The following CENPP variants were observed in gnomAD, a reference collection of about 807,000 sequenced individuals.
CENPP encodes the protein centromere protein P.
Under a neutral mutation model 35.6 loss-of-function variants are expected in CENPP, and 24 were observed. The observed-to-expected ratio is 0.67, with a 90% confidence interval of 0.49 to 0.95. The LOEUF is 0.95. CENPP is among the 40% of genes least tolerant of loss of function. The probability of loss-of-function intolerance (pLI) is 0.00; values close to 1 mark genes in which losing one functional copy is unlikely to be tolerated. For synonymous variants in CENPP, 120 were observed against 125.5 expected (o/e 0.96, Z 0.29); for missense variants, 332 against 345.3 (o/e 0.96, Z 0.31).
chr9:92,386,280 G>A, intron 5 of CENPP: 1 of 1,612,870 alleles, frequency 6.2e-7, no homozygotes, highest in East Asian at 2.2e-5. Context: ...GTAGAGGAAG[G>A]TGAGGTTATT....
intron 5 of CENPP, among the ~76,000 whole-genome samples, chr9:92,539,675 T>C (rs185314289): frequency 6.6e-6 from 1 of 152,264 alleles, no homozygotes; most frequent in East Asian, 1.9e-4. Context: ...GGAGGAGTAG[T>C]ATGGACTTTG....
chr9:92,354,427 G>T (rs1452133038), intron 4 of CENPP, among the ~76,000 whole-genome samples: 1 of 152,152 alleles, frequency 6.6e-6, no homozygotes, highest in African/African-American at 2.4e-5. Context: ...TGCCACCATG[G>T]CCACTTTACT....
chr9:92,507,147 A>C (rs1481782979), intron 5 of CENPP, among the ~76,000 whole-genome samples: 1 of 152,212 alleles, frequency 6.6e-6, no homozygotes, highest in East Asian at 1.9e-4. Context: ...TGGGGATGGC[A>C]GGACAAGGGC....
chr9:92,408,544 T>C (rs1048055282), intron 5 of CENPP, among the ~76,000 whole-genome samples: 6 of 152,188 alleles, frequency 3.9e-5, no homozygotes, highest in African/African-American at 1.4e-4. Context: ...TTTAACGTTT[T>C]GGGCCACAGT....
At chr9:92,356,591 C>A (rs1841595026) in intron 4 of CENPP, among the ~76,000 whole-genome samples, 1 of 152,132 alleles carries the variant, frequency 6.6e-6, no homozygotes, top group South Asian at 2.1e-4. Flanking sequence ...GAAGTAAAGA[C>A]AGGCATAAGA....
chr9:92,582,134 G>T (rs1398568543), intron 5 of CENPP, among the ~76,000 whole-genome samples: 1 of 152,026 alleles, frequency 6.6e-6, no homozygotes, highest in Non-Finnish European at 1.5e-5. Flanking sequence ...GCTCACTGAA[G>T]CCTCAACCTC....
intron 5 of CENPP, among the ~76,000 whole-genome samples, chr9:92,452,062 C>T (rs1317208803): frequency 1.0e-4 from 14 of 139,734 alleles, no homozygotes; most frequent in Admixed American, 3.6e-4. Flanking sequence ...AATTTGACTT[C>T]CTCTTTTCCT....
At chr9:92,383,560 A>G (rs1190527926) in intron 5 of CENPP, among the ~76,000 whole-genome samples, 15 of 152,168 alleles carry the variant, frequency 9.9e-5, no homozygotes, top group Non-Finnish European at 2.1e-4. Flanking sequence ...TAATGGAGAC[A>G]GCATATTTTT....
intron 5 of CENPP, among the ~76,000 whole-genome samples, chr9:92,389,365 A>G (rs889331977): frequency 6.6e-6 from 1 of 152,212 alleles, no homozygotes; most frequent in Admixed American, 6.5e-5. Flanking sequence ...TTTATATTAC[A>G]TGCTCTCATG....
intron 5 of CENPP, among the ~76,000 whole-genome samples, chr9:92,432,264 G>A (rs1450869210): frequency 2.0e-5 from 3 of 152,022 alleles, no homozygotes; most frequent in Non-Finnish European, 4.4e-5. Context: ...GGCAGAGGTT[G>A]CAGTGAGTCA....
intron 5 of CENPP, among the ~76,000 whole-genome samples, chr9:92,571,721 CTT>C (rs1316490569): frequency 6.6e-6 from 1 of 152,100 alleles, no homozygotes; most frequent in Non-Finnish European, 1.5e-5. Flanking sequence ...GTCTAAGTCT[CTT>C]TGTAGGTCTC....
chr9:92,579,415 G>C (rs1280470034), intron 5 of CENPP, among the ~76,000 whole-genome samples: 2 of 148,050 alleles, frequency 1.4e-5, no homozygotes, highest in Admixed American at 6.7e-5. Flanking sequence ...TCACGATATT[G>C]ATTCTTCCTA....
chr9:92,551,172 C>G (rs561713466), intron 5 of CENPP, among the ~76,000 whole-genome samples: 1 of 152,054 alleles, frequency 6.6e-6, no homozygotes, highest in Non-Finnish European at 1.5e-5. Context: ...CCCCTCTTGT[C>G]CAGGTTTAAG....
chr9:92,559,730 G>A (rs769324213), intron 5 of CENPP, among the ~76,000 whole-genome samples: 11 of 151,940 alleles, frequency 7.2e-5, no homozygotes, highest in Non-Finnish European at 1.6e-4. Context: ...CGAACTCCTG[G>A]GCTCAAGAGA....
intron 5 of CENPP, chr9:92,495,211 C>T (rs1846289907): frequency 2.6e-5 from 12 of 469,856 alleles, no homozygotes; most frequent in Non-Finnish European, 3.3e-5. Context: ...AACACTGGCA[C>T]TTAAGTTCCT....
intron 5 of CENPP, among the ~76,000 whole-genome samples, chr9:92,545,965 G>C (rs550139529): frequency 4.0e-5 from 6 of 151,850 alleles, no homozygotes; most frequent in Admixed American, 1.3e-4. Context: ...TCTAGCTCAG[G>C]GTTTGTAAAT....
intron 5 of CENPP, chr9:92,474,523 C>T: frequency 6.8e-7 from 1 of 1,466,456 alleles, no homozygotes; most frequent in Non-Finnish European, 9.0e-7. Context: ...AAAACTTATA[C>T]ACTCAGATTA....
chr9:92,435,863 C>G (rs1045696940), intron 5 of CENPP, among the ~76,000 whole-genome samples: 1 of 152,168 alleles, frequency 6.6e-6, no homozygotes, highest in Non-Finnish European at 1.5e-5. Flanking sequence ...TAAAGTTGTT[C>G]TAAACATTCA....
chr9:92,542,867 A>G (rs1588259260), intron 5 of CENPP, among the ~76,000 whole-genome samples: 1 of 152,152 alleles, frequency 6.6e-6, no homozygotes, highest in East Asian at 1.9e-4. Flanking sequence ...TTAATTCATT[A>G]ATCTATTTTG....
Sources: allele counts gnomAD v4.1 joint callset (sites outside exome capture counted in the v4.1 genomes callset), GRCh38; gene constraint gnomAD v4.1.1; transcripts MANE v1.5; gene names NCBI Gene and HGNC (gene_info 2026-07-23, HGNC 2026-07-21).